The following SOX6 variants were observed in gnomAD, a reference collection of about 807,000 sequenced individuals.
SOX6 encodes the protein transcription factor SOX-6.
In SOX6, 11 loss-of-function variants were observed where a neutral mutation model predicts 97.8. The observed-to-expected ratio is 0.11, with a 90% CI of 0.07 to 0.19. The LOEUF (loss-of-function observed/expected upper bound fraction) is 0.19, where lower values mean the gene tolerates loss of function less well. Among genes scored for constraint, SOX6 ranks in the 10% least tolerant of loss-of-function variants. The pLI is 1.00. For synonymous variants in SOX6, 360 were observed against 371.4 expected (o/e 0.97, Z 0.35); for missense variants, 810 against 1,039.5 (o/e 0.78, Z 3.04).
intron 6 of SOX6, among the ~76,000 whole-genome samples, chr11:16,158,531 A>G (rs1027943037): frequency 1.3e-5 from 2 of 152,064 alleles, no homozygotes; most frequent in African/African-American, 4.8e-5. Context: ...TCTTCATATT[A>G]TTGGTAACAC....
chr11:16,205,194 A>C (rs1172160810), intron 4 of SOX6, among the ~76,000 whole-genome samples: 1 of 152,162 alleles, frequency 6.6e-6, no homozygotes, highest in Non-Finnish European at 1.5e-5. Flanking sequence ...CCACGATAGA[A>C]CCAGCATATG....
chr11:16,451,320 A>T (rs1123186), intron 1 of SOX6, among the ~76,000 whole-genome samples: 30,898 of 152,100 alleles, frequency 0.2, 3,396 homozygotes, highest in Admixed American at 0.32. Flanking sequence ...TTTTAATATA[A>T]GGGATCAAGA....
At chr11:16,308,079 C>T (rs1388910332) in intron 3 of SOX6, among the ~76,000 whole-genome samples, 2 of 152,160 alleles carry the variant, frequency 1.3e-5, no homozygotes, top group Admixed American at 6.5e-5. Context: ...AAGCCACAGC[C>T]TTGAAGCCAT....
chr11:16,264,474 C>T (rs1272063898), intron 3 of SOX6: 1 of 151,930 alleles, frequency 6.6e-6, no homozygotes, highest in African/African-American at 2.4e-5. Flanking sequence ...TTTATTTAAT[C>T]ACTCTCCTAT....
intron 1 of SOX6, among the ~76,000 whole-genome samples, chr11:16,436,366 T>C (rs1859376594): frequency 6.6e-6 from 1 of 151,986 alleles, no homozygotes; most frequent in South Asian, 2.1e-4. Flanking sequence ...TCTTAAGGTG[T>C]TCTATCTCTC....
intron 3 of SOX6, among the ~76,000 whole-genome samples, chr11:16,299,862 T>TA (rs959949960): frequency 4.6e-5 from 7 of 152,282 alleles, no homozygotes; most frequent in South Asian, 2.1e-4. Flanking sequence ...TACTTTCTTT[T>TA]AAAAAAATCC....
chr11:16,381,304 C>A (rs1161404865), intron 1 of SOX6, among the ~76,000 whole-genome samples: 1 of 151,918 alleles, frequency 6.6e-6, no homozygotes, highest in African/African-American at 2.4e-5. Context: ...AACTGGGGAC[C>A]AAATTTCTAC....
chr11:16,073,425 A>G (rs1209680017), intron 9 of SOX6, among the ~76,000 whole-genome samples: 1 of 152,240 alleles, frequency 6.6e-6, no homozygotes, highest in Non-Finnish European at 1.5e-5. Flanking sequence ...TGCACCCAAC[A>G]CAGGAAAACT....
chr11:16,375,528 T>C (rs1857620400), intron 1 of SOX6, among the ~76,000 whole-genome samples: 1 of 151,972 alleles, frequency 6.6e-6, no homozygotes, highest in African/African-American at 2.4e-5. Context: ...GAAGAAATTG[T>C]CCTGGTCCTA....
chr11:16,116,300 A>C (rs558867097), intron 6 of SOX6, among the ~76,000 whole-genome samples: 1 of 152,286 alleles, frequency 6.6e-6, no homozygotes, highest in African/African-American at 2.4e-5. Context: ...AATCCTCAAA[A>C]CCCTGTAAGG....
At chr11:16,229,702 T>C (rs1242921798) in intron 4 of SOX6, among the ~76,000 whole-genome samples, 2 of 151,828 alleles carry the variant, frequency 1.3e-5, no homozygotes, top group African/African-American at 4.8e-5. Context: ...TCTTTAAAAA[T>C]TAATTAGGAA....
intron 12 of SOX6, among the ~76,000 whole-genome samples, chr11:16,045,569 G>T (rs1423540450): frequency 6.6e-6 from 1 of 152,110 alleles, no homozygotes; most frequent in Non-Finnish European, 1.5e-5. Context: ...GGTGTACCAG[G>T]TAATAATAAG....
intron 1 of SOX6, among the ~76,000 whole-genome samples, chr11:16,475,328 G>A (rs931445156): frequency 6.6e-6 from 1 of 152,180 alleles, no homozygotes; most frequent in Non-Finnish European, 1.5e-5. Flanking sequence ...CTTTTGACCT[G>A]TCTCAGCTTT....
In SOX6 at chr11:16,607,002, C is replaced by T. The variant is rs554082245; in HGVS notation, n.609+5079G>A. ...CCCCCTCCGCGTCGGCCCCTCGGAG[C>T]GCCCTCCTCCCGCTCCTCCTCCTCC... On this transcript the variant is annotated intron_variant and non_coding_transcript_variant, in intron 4 of 5. Transcript: ENST00000524520. The surrounding 1 kb of genome is among the most constrained non-coding windows in gnomAD (Gnocchi z 6.5). 2.0e-4 allele frequency among the ~76,000 whole-genome samples: 30 copies of T among 152,260 alleles called. No homozygotes were observed. In the South Asian group the frequency reaches 6.0e-3, roughly 31 times the overall value.
At chr11:16,677,346 A>C (rs1056427677) in intron 3 of SOX6, among the ~76,000 whole-genome samples, 3 of 152,154 alleles carry the variant, frequency 2.0e-5, no homozygotes, top group African/African-American at 7.2e-5. Context: ...AAGTTATTTT[A>C]CAGAGATTCA....
At chr11:15,999,220 T>G (rs186989524) in intron 13 of SOX6, among the ~76,000 whole-genome samples, 2 of 152,122 alleles carry the variant, frequency 1.3e-5, no homozygotes, top group African/African-American at 4.8e-5. Flanking sequence ...TGGAATGGCT[T>G]AAGTGCTAAA....
Position 16,628,510 on chromosome 11 carries a change from C to A in SOX6, n.430-16250G>T, listed in dbSNP as rs534307787. Among the ~76,000 whole-genome samples, 127 of 151,464 alleles carry A rather than the reference C, an allele frequency of 8.4e-4. 1 individual carries two copies. Among genetic ancestry groups the A allele is most frequent in the Middle Eastern group, 6.8e-3 (2 of 294 alleles). ...GTATGGTGGTATACACCAGTAGTCG[C>A]AGCTACTTGGAAGGCTGAGGAAGAA... On this transcript the variant is annotated intron_variant and non_coding_transcript_variant, in intron 3 of 5. Transcript: ENST00000524520.
intron 1 of SOX6, among the ~76,000 whole-genome samples, chr11:16,466,696 C>T (rs1352603533): frequency 1.3e-5 from 2 of 150,414 alleles, no homozygotes; most frequent in South Asian, 2.1e-4. Flanking sequence ...TTTGGGAGGC[C>T]GAGGCAGGCG....
chr11:16,152,012 A>C lies in SOX6; in HGVS notation c.777+31874T>G, dbSNP rs563106996. ...GTTGAATTAATATTATTTATGACATAATAAGTTGTCTAAAGTCAATTTTTG... is the reference window on the plus strand; with the variant it reads ...GTTGAATTAATATTATTTATGACATCATAAGTTGTCTAAAGTCAATTTTTG... On this transcript the variant is annotated intron_variant, in intron 6 of 15. Coordinates refer to ENST00000683767, the MANE Select transcript of SOX6 (RefSeq NM_001367873.1). Among the ~76,000 whole-genome samples the C allele has an allele frequency of 5.3e-5, 8 of 152,284 alleles. No individual in the cohort carries two copies. The South Asian group carries it at 1.7e-3, about 32-fold the overall frequency.
Sources: gnomAD v4.1 joint callset for allele counts (sites outside exome capture counted in the v4.1 genomes callset) on GRCh38, gnomAD v4.1.1 for gene constraint, Gnocchi (gnomAD v3.1) non-coding constraint, MANE v1.5 for transcripts, NCBI Gene and HGNC (gene_info 2026-07-23, HGNC 2026-07-21) for gene names.